The following PKHD1 variants were observed in gnomAD, a reference collection of about 807,000 sequenced individuals.
PKHD1 encodes fibrocystin.
In PKHD1, 291 loss-of-function variants were observed where a neutral mutation model predicts 412.0. The observed-to-expected ratio is 0.71, with a 90% confidence interval of 0.64 to 0.78. The LOEUF is 0.78. Ranked by LOEUF, PKHD1 falls within the 30% of genes least tolerant of loss-of-function variation. The pLI, the probability that PKHD1 is intolerant of heterozygous loss-of-function variation, is 0.00. For missense variants in PKHD1, 4,825 were observed against 4,950.7 expected, an observed-to-expected ratio of 0.97 and a Z score of 0.76; for synonymous variants, 1,777 against 1,821.5, an observed-to-expected ratio of 0.98 and a Z score of 0.62.
intron 48 of PKHD1, among the ~76,000 whole-genome samples, chr6:51,865,329 A>G (rs1774884359): frequency 6.6e-6 from 1 of 152,160 alleles, no homozygotes; most frequent in African/African-American, 2.4e-5. Flanking sequence ...AGTGTGGCCA[A>G]CTTCAAATAT....
chr6:51,949,783 G>A (rs908245366), intron 36 of PKHD1, among the ~76,000 whole-genome samples: 1 of 152,146 alleles, frequency 6.6e-6, no homozygotes, highest in Non-Finnish European at 1.5e-5. Flanking sequence ...AGGATTGGGG[G>A]CAAAGGGAAT....
At chr6:51,870,900 TAC>T (rs1285768028) in intron 46 of PKHD1, among the ~76,000 whole-genome samples, 1 of 150,872 alleles carries the variant, frequency 6.6e-6, no homozygotes, top group African/African-American at 2.4e-5. Context: ...AAAGAAAATA[TAC>T]AGATAGCAAA....
In PKHD1 at chr6:52,010,473, G is replaced by A; in HGVS notation, c.5601-14C>T. 1 of 1,564,762 alleles carries A rather than the reference G, an allele frequency of 6.4e-7. No individual in the cohort carries two copies. The highest frequency in any genetic ancestry group is 8.8e-7 in the Non-Finnish European group (1 of 1,135,304). On this transcript the variant is annotated splice_polypyrimidine_tract_variant and intron_variant, in intron 34 of 66. Coordinates refer to ENST00000371117, the MANE Select transcript of PKHD1 (RefSeq NM_138694.4). ...TCCAATTTAGGGCTGAAACGAGAGG[G>A]GAGGTTAAATGGGGTGTCATCAATC...
chr6:51,811,024 C>T lies in PKHD1; in HGVS notation c.8303-19651G>A, dbSNP rs574911167. On this transcript the variant is annotated intron_variant, in intron 52 of 66. Coordinates refer to ENST00000371117, the MANE Select transcript of PKHD1 (RefSeq NM_138694.4). ...TACATTGGATTTAGTAAGACTTCTC[C>T]TCAATATCAATGAGATTAGCCTTTA... 3.3e-5 allele frequency among the ~76,000 whole-genome samples: 5 copies of T among 152,184 alleles called. No homozygotes were observed. In the South Asian group the frequency reaches 1.0e-3, roughly 32 times the overall value.
Position 51,747,839 on chromosome 6 carries a change from T to C in PKHD1, c.9777A>G (p.Pro3259=), listed in dbSNP as rs1008018928. The change falls in exon 58 of 67, where the codon CCA becomes CCG. Residue 3259 remains proline, a synonymous_variant. Coordinates refer to ENST00000371117, the MANE Select transcript of PKHD1 (RefSeq NM_138694.4). ...TSEPNQWPQE[P]WHKVRNDHSI... ...AATGATCATTCCTCACTTTGTGCCA[T>C]GGCTCCTGAGGCCACTGATTTGGTT... The C allele has an allele frequency of 6.2e-7, 1 of 1,613,912 alleles. No individual in the cohort carries two copies. The highest frequency in any genetic ancestry group is 8.5e-7 in the Non-Finnish European group (1 of 1,179,834).
intron 43 of PKHD1, among the ~76,000 whole-genome samples, chr6:51,900,234 C>G (rs1395394584): frequency 6.6e-6 from 1 of 152,160 alleles, no homozygotes; most frequent in Admixed American, 6.5e-5. Context: ...GCCAAAAGAA[C>G]AAAGCTGGAG....
chr6:52,006,224 G>C (rs953367045), intron 35 of PKHD1, among the ~76,000 whole-genome samples: 1 of 151,746 alleles, frequency 6.6e-6, no homozygotes, highest in East Asian at 1.9e-4. Context: ...ACCCAGGCTG[G>C]AGTGCAATGG....
intron 13 of PKHD1, among the ~76,000 whole-genome samples, 169 bp from the exon 14 acceptor site, chr6:52,062,829 A>G (rs1808888499): frequency 6.6e-6 from 1 of 152,204 alleles, no homozygotes; most frequent in Admixed American, 6.5e-5. Context: ...GTTAATATGA[A>G]ATACAAATGT....
chr6:51,732,750 A>G (rs1010286582), intron 60 of PKHD1, among the ~76,000 whole-genome samples: 12 of 152,246 alleles, frequency 7.9e-5, no homozygotes, highest in Non-Finnish European at 1.5e-4. Flanking sequence ...GGTTGAAAAT[A>G]GAACTATCAC....
At chr6:51,804,711 T>A (rs1433423406) in intron 52 of PKHD1, among the ~76,000 whole-genome samples, 1 of 152,106 alleles carries the variant, frequency 6.6e-6, no homozygotes, top group African/African-American at 2.4e-5. Context: ...AGCAGTTAAC[T>A]AGGTGTAGAG....
chr6:51,723,326 G>C (rs1229796149), intron 60 of PKHD1, among the ~76,000 whole-genome samples: 1 of 152,152 alleles, frequency 6.6e-6, no homozygotes, highest in East Asian at 1.9e-4. Flanking sequence ...AGTCTAAATA[G>C]CTTTCTCCTT....
intron 11 of PKHD1, among the ~76,000 whole-genome samples, chr6:52,068,394 C>T (rs1344918359): frequency 6.6e-6 from 1 of 152,196 alleles, no homozygotes; most frequent in Non-Finnish European, 1.5e-5. Context: ...GTCAGCCTAT[C>T]AGTCATTCTA....
chr6:51,683,351 G>T (rs1448510330), intron 60 of PKHD1, among the ~76,000 whole-genome samples: 4 of 151,960 alleles, frequency 2.6e-5, no homozygotes, highest in Non-Finnish European at 5.9e-5. Context: ...GAGACAGAAT[G>T]GCTTACTTAT....
chr6:51,830,194 C>G (rs1768009394), intron 52 of PKHD1, among the ~76,000 whole-genome samples: 2 of 152,006 alleles, frequency 1.3e-5, no homozygotes, highest in South Asian at 4.2e-4. Context: ...TATAATTGTC[C>G]TATGAAAAAC....
intron 66 of PKHD1, among the ~76,000 whole-genome samples, chr6:51,626,122 A>C (rs1460502132): frequency 3.9e-5 from 6 of 152,166 alleles, no homozygotes; most frequent in Non-Finnish European, 8.8e-5. Flanking sequence ...GCACACACAC[A>C]CACACCCACA....
chr6:51,658,275 C>A (rs1301499591), intron 61 of PKHD1, among the ~76,000 whole-genome samples: 1 of 152,062 alleles, frequency 6.6e-6, no homozygotes, highest in Non-Finnish European at 1.5e-5. Context: ...TTTTTCTCAT[C>A]CTCTTTATAT....
intron 35 of PKHD1, among the ~76,000 whole-genome samples, chr6:51,993,251 G>T (rs1562081882): frequency 6.6e-6 from 1 of 152,238 alleles, no homozygotes; most frequent in East Asian, 1.9e-4. Flanking sequence ...CTGGGTTGGT[G>T]ATTCTTCCAG....
chr6:51,625,470 G>A (rs1224284736), intron 66 of PKHD1, among the ~76,000 whole-genome samples: 1 of 152,140 alleles, frequency 6.6e-6, no homozygotes, highest in Non-Finnish European at 1.5e-5. Context: ...CAAATCTGCT[G>A]TGATCCCCAG....
chr6:52,037,953 T>C (rs9986452), intron 27 of PKHD1, among the ~76,000 whole-genome samples: 4,367 of 152,230 alleles, frequency 0.029, 219 homozygotes, highest in African/African-American at 0.1. Context: ...AAATTTAGGT[T>C]ATTACCCTAG....
Sources: allele counts gnomAD v4.1 joint callset (sites outside exome capture counted in the v4.1 genomes callset), GRCh38; gene constraint gnomAD v4.1.1; transcripts MANE v1.5; gene names NCBI Gene and HGNC (gene_info 2026-07-23, HGNC 2026-07-21).